The following XIRP2 variants were observed in gnomAD, a reference collection of about 807,000 sequenced individuals.
XIRP2 encodes xin actin-binding repeat-containing protein 2.
XIRP2 carries 236 observed loss-of-function variants against 277.0 expected under a neutral mutation model. The observed-to-expected ratio is 0.85, with a 90% CI of 0.77 to 0.95. The LOEUF (loss-of-function observed/expected upper bound fraction) is 0.95, where lower values mean the gene tolerates loss of function less well. XIRP2 is among the 40% of genes least tolerant of loss of function. XIRP2 has a pLI of 0.00. For synonymous variants in XIRP2, 1,490 were observed against 1,416.5 expected (o/e 1.05, Z -1.17); for missense variants, 4,640 against 4,157.5 (o/e 1.12, Z -3.19).
intron 2 of XIRP2, among the ~76,000 whole-genome samples, chr2:167,087,662 C>G (rs796409152): frequency 1.2e-4 from 18 of 152,324 alleles, no homozygotes; most frequent in African/African-American, 3.8e-4. Flanking sequence ...TTTTTTAAGC[C>G]GGTCGGAAAA....
chr2:167,069,604 G>T (rs1303604322), intron 2 of XIRP2, among the ~76,000 whole-genome samples: 1 of 152,176 alleles, frequency 6.6e-6, no homozygotes, highest in African/African-American at 2.4e-5. Flanking sequence ...GAAGGAAACT[G>T]ACCGTGTGCA....
At chr2:167,241,738 T>G in intron 7 of XIRP2, 39 bp from the exon 8 acceptor site, 2 of 1,563,902 alleles carry the variant, frequency 1.3e-6, no homozygotes, top group African/African-American at 2.8e-5. Flanking sequence ...TAATTTTTAG[T>G]AATTACATAG....
chr2:166,921,758 C>A (rs1441114902), intron 2 of XIRP2, among the ~76,000 whole-genome samples: 1 of 152,090 alleles, frequency 6.6e-6, no homozygotes, highest in Non-Finnish European at 1.5e-5. Flanking sequence ...ATTAGCATTG[C>A]ATTATTTGTG....
At chr2:167,088,470 A>C (rs1340339497) in intron 2 of XIRP2, among the ~76,000 whole-genome samples, 1 of 152,178 alleles carries the variant, frequency 6.6e-6, no homozygotes, top group Non-Finnish European at 1.5e-5. Context: ...ACTCAGTTTT[A>C]GTACAACCTA....
chr2:167,228,959 G>A (rs1443815109), intron 5 of XIRP2, among the ~76,000 whole-genome samples: 1 of 151,972 alleles, frequency 6.6e-6, no homozygotes, highest in Non-Finnish European at 1.5e-5. Flanking sequence ...CTCCTTTAAA[G>A]TAAAATAAAT....
intron 2 of XIRP2, among the ~76,000 whole-genome samples, chr2:166,997,905 C>CA (rs200585621): frequency 0.1 from 13,960 of 133,390 alleles, 1,042 homozygotes; most frequent in East Asian, 0.37. Flanking sequence ...GACTCCATCT[C>CA]AAAAAAAAAA....
chr2:167,078,707 G>T (rs1189754838), intron 2 of XIRP2, among the ~76,000 whole-genome samples: 1 of 151,948 alleles, frequency 6.6e-6, no homozygotes, highest in African/African-American at 2.4e-5. Flanking sequence ...CATGGTGGCG[G>T]GCGCCTGCAG....
At chr2:167,015,339 G>C (rs1356310506) in intron 2 of XIRP2, among the ~76,000 whole-genome samples, 1 of 151,736 alleles carries the variant, frequency 6.6e-6, no homozygotes, top group Non-Finnish European at 1.5e-5. Flanking sequence ...TCTAAAGTCA[G>C]CCTTTTCTTT....
intron 2 of XIRP2, among the ~76,000 whole-genome samples, chr2:166,949,250 A>T (rs890668964): frequency 4.6e-5 from 7 of 152,088 alleles, no homozygotes; most frequent in African/African-American, 1.7e-4. Context: ...TTAGCCCTGG[A>T]GCAAACTGCT....
chr2:166,917,242 G>A (rs754178733), intron 2 of XIRP2, among the ~76,000 whole-genome samples: 1 of 152,042 alleles, frequency 6.6e-6, no homozygotes, highest in Non-Finnish European at 1.5e-5. Flanking sequence ...TTTAACATAA[G>A]TTACAATCCC....
intron 2 of XIRP2, among the ~76,000 whole-genome samples, chr2:166,929,566 T>C (rs1685274153): frequency 6.6e-6 from 1 of 152,160 alleles, no homozygotes; most frequent in Non-Finnish European, 1.5e-5. Context: ...TATCGGACTA[T>C]AGTGATTATA....
Position 167,250,308 on chromosome 2 carries a change from C to T in XIRP2, c.8916C>T (p.Gly2972=). 1 of 1,613,032 alleles carries T rather than the reference C, an allele frequency of 6.2e-7. No homozygotes were observed. Among genetic ancestry groups the T allele is most frequent in the Non-Finnish European group, 8.5e-7 (1 of 1,179,542 alleles). ...KQFEAEPNKS[G]LKTFQTLLNT... The stretch of plus-strand genomic sequence containing the variant: ...TTGAAGCAGAGCCAAATAAAAGTGG[C>T]CTTAAAACATTTCAGACACTATTAA... Residue 2972 remains glycine (G), a synonymous_variant, in exon 9 of 11, where the codon GGC becomes GGT. Transcript: ENST00000409195.
intron 2 of XIRP2, among the ~76,000 whole-genome samples, chr2:166,967,663 A>G (rs1047893178): frequency 1.3e-5 from 2 of 151,986 alleles, no homozygotes; most frequent in Non-Finnish European, 2.9e-5. Context: ...TTTTCTACCT[A>G]TAACCACATT....
chr2:167,258,000 C>A lies in XIRP2; in HGVS notation c.*183C>A. The A allele has an allele frequency of 6.2e-7, 1 of 1,613,140 alleles. No homozygotes were observed. Among genetic ancestry groups the A allele is most frequent in the Non-Finnish European group, 8.5e-7 (1 of 1,179,486 alleles). ...TGGAACTGCAAAAACCAAAGCAGAT[C>A]AGTGGACTTTATTCCTAATGAAGAA... On this transcript the variant is annotated 3_prime_UTR_variant, in exon 11 of 11. Transcript: ENST00000409195.
intron 2 of XIRP2, among the ~76,000 whole-genome samples, chr2:166,975,722 G>A (rs1181499327): frequency 6.6e-6 from 1 of 151,874 alleles, no homozygotes; most frequent in Non-Finnish European, 1.5e-5. Context: ...TCAGGAGATC[G>A]AGACCATCCT....
intron 3 of XIRP2, among the ~76,000 whole-genome samples, chr2:167,198,128 C>T (rs1470742995): frequency 2.0e-5 from 3 of 152,180 alleles, no homozygotes; most frequent in East Asian, 1.9e-4. Flanking sequence ...TAATTATACA[C>T]TCCATGTGTA....
chr2:167,075,201 G>GT (rs1161042173), intron 2 of XIRP2, among the ~76,000 whole-genome samples: 1 of 151,824 alleles, frequency 6.6e-6, no homozygotes, highest in African/African-American at 2.4e-5. Context: ...GTTTTGTTTT[G>GT]TTTTTTCAAA....
chr2:167,245,044 G>A lies in XIRP2; in HGVS notation c.3652G>A (p.Glu1218Lys), dbSNP rs1695205876. 4 of 1,611,840 alleles carry A rather than the reference G, an allele frequency of 2.5e-6. No individual in the cohort carries two copies. Among genetic ancestry groups the A allele is most frequent in the Non-Finnish European group, 3.4e-6 (4 of 1,179,342 alleles). The change falls in exon 9 of 11, where the codon GAA (glutamate) becomes AAA (lysine). Residue 1218 changes from glutamate (E) to lysine (K), a missense_variant. By Grantham distance (56) the Glu-to-Lys change is moderately conservative. Coordinates refer to ENST00000409195, the MANE Select transcript of XIRP2 (RefSeq NM_152381.6). ...AGATTCTATAAGTTCTAGTTCAGAG[G>A]AAGTTTTGAAAAAGATCAAAACCTT... is the stretch of plus-strand genomic sequence containing the variant. ...SLDSISSSSE[E>K]VLKKIKTLKT...
At chr2:167,159,771 A>G (rs535629291) in intron 3 of XIRP2, among the ~76,000 whole-genome samples, 3 of 152,194 alleles carry the variant, frequency 2.0e-5, no homozygotes, top group Non-Finnish European at 2.9e-5. Flanking sequence ...CATGCTTAGG[A>G]CATAACTGGT....
Sources: allele counts gnomAD v4.1 joint callset (sites outside exome capture counted in the v4.1 genomes callset), GRCh38; gene constraint gnomAD v4.1.1; transcripts MANE v1.5; gene names NCBI Gene and HGNC (gene_info 2026-07-23, HGNC 2026-07-21).